Variants in CACNA2D1 observed in about 807,000 individuals in gnomAD.
CACNA2D1 encodes the protein voltage-dependent calcium channel subunit alpha-2/delta-1.
In CACNA2D1, 53 loss-of-function variants were observed where a neutral mutation model predicts 171.5. The observed-to-expected ratio is 0.31, with a 90% CI of 0.25 to 0.39. The LOEUF (loss-of-function observed/expected upper bound fraction) is 0.39, where lower values mean the gene tolerates loss of function less well. CACNA2D1 is among the 10% of genes least tolerant of loss of function. The pLI, the probability that CACNA2D1 is intolerant of heterozygous loss-of-function variation, is 1.00. For missense variants in CACNA2D1, 903 were observed against 1,299.8 expected, an observed-to-expected ratio of 0.69 and a Z score of 4.69; for synonymous variants, 442 against 443.1, an observed-to-expected ratio of 1.00 and a Z score of 0.03.
intron 1 of CACNA2D1, among the ~76,000 whole-genome samples, chr7:82,410,903 G>C (rs1030338531): frequency 6.6e-6 from 1 of 151,992 alleles, no homozygotes; most frequent in African/African-American, 2.4e-5. Flanking sequence ...TTAATCTTTC[G>C]AGACTGCCCT....
At chr7:82,310,596 C>T (rs555613676) in intron 3 of CACNA2D1, among the ~76,000 whole-genome samples, 1 of 151,536 alleles carries the variant, frequency 6.6e-6, no homozygotes, top group Non-Finnish European at 1.5e-5. Flanking sequence ...TTTTCATATA[C>T]TATTAATAAG....
intron 5 of CACNA2D1, among the ~76,000 whole-genome samples, chr7:82,135,974 T>G (rs1192187800): frequency 6.6e-6 from 1 of 152,226 alleles, no homozygotes; most frequent in Non-Finnish European, 1.5e-5. Context: ...AAATTAAGTG[T>G]AACCTTTATT....
chr7:82,060,214 A>ATATATAT (rs1806637231), intron 10 of CACNA2D1, among the ~76,000 whole-genome samples: 3 of 34,916 alleles, frequency 8.6e-5, no homozygotes, highest in African/African-American at 2.3e-4. Flanking sequence ...TATATATAAT[A>ATATATAT]TATATATAAT....
At chr7:82,055,025 T>C (rs1429619463) in intron 10 of CACNA2D1, among the ~76,000 whole-genome samples, 1 of 152,156 alleles carries the variant, frequency 6.6e-6, no homozygotes, top group African/African-American at 2.4e-5. Flanking sequence ...TAAAAGATTC[T>C]CATTTCCCAT....
At position 82,084,645 on chromosome 7, in the gene CACNA2D1, T is replaced by C. The variant is rs879005478; in HGVS notation, c.658+124A>G. ...TCCAAAGCCATGTAAAGAGGAATGT[T>C]CTTTCCTTATAAAAGTAGTGTGATA... is the stretch of plus-strand genomic sequence containing the variant. On this transcript the variant is annotated intron_variant, in intron 7 of 38. Coordinates refer to ENST00000356860, the MANE Select transcript of CACNA2D1 (RefSeq NM_000722.4). 3.0e-5 allele frequency: 34 copies of C among 1,115,276 alleles called. No individual in the cohort carries two copies. In the South Asian group the frequency reaches 4.2e-4, roughly 14 times the overall value. The allele number at this position is 1,115,276 out of a possible 1,614,324, so 69.1% of individuals were successfully genotyped here.
intron 5 of CACNA2D1, among the ~76,000 whole-genome samples, chr7:82,128,208 G>A (rs942165120): frequency 2.6e-5 from 4 of 152,044 alleles, no homozygotes; most frequent in South Asian, 2.1e-4. Flanking sequence ...GGGATTACAG[G>A]TGTGCACCAC....
chr7:82,316,888 T>C (rs1815191450), intron 3 of CACNA2D1, among the ~76,000 whole-genome samples: 1 of 152,140 alleles, frequency 6.6e-6, no homozygotes, highest in Admixed American at 6.5e-5. Flanking sequence ...CCCCCATGAT[T>C]CAATTATTTC....
chr7:81,987,975 C>T (rs780322011), intron 21 of CACNA2D1, among the ~76,000 whole-genome samples: 4 of 152,106 alleles, frequency 2.6e-5, no homozygotes, highest in Non-Finnish European at 5.9e-5. Flanking sequence ...AGAACATTCG[C>T]CTGCTCACAC....
chr7:82,353,974 C>G (rs1209199392), intron 1 of CACNA2D1, among the ~76,000 whole-genome samples: 3 of 151,978 alleles, frequency 2.0e-5, no homozygotes, highest in Admixed American at 6.6e-5. Context: ...TGACCTTCTC[C>G]CACCAAGCAG....
chr7:82,101,446 T>C lies in CACNA2D1; in HGVS notation c.526+15598A>G, dbSNP rs60212063. On this transcript the variant is annotated intron_variant, in intron 6 of 38. Coordinates refer to ENST00000356860, the MANE Select transcript of CACNA2D1 (RefSeq NM_000722.4). ...AGTCAGTAAAACGTTACATGACAGA[T>C]GGAAGTAATAAGACAAATGAAAATC... is the stretch of plus-strand genomic sequence containing the variant. Among the ~76,000 whole-genome samples, 1,461 of 152,196 alleles carry C rather than the reference T, an allele frequency of 9.6e-3. 26 individuals are homozygous for C. The highest frequency in any genetic ancestry group is 0.034 in the African/African-American group (1,392 of 41,518).
chr7:82,426,180 TACA>T (rs1480237234), intron 1 of CACNA2D1, among the ~76,000 whole-genome samples: 1 of 62,836 alleles, frequency 1.6e-5, no homozygotes, highest in Non-Finnish European at 2.7e-5. Context: ...AATAAATAAA[TACA>T]TAAATTCTAT....
chr7:82,012,479 T>C (rs1799918792), intron 14 of CACNA2D1, among the ~76,000 whole-genome samples: 1 of 152,138 alleles, frequency 6.6e-6, no homozygotes, highest in South Asian at 2.1e-4. Flanking sequence ...TACCCCAGTT[T>C]TTTTCTAGTA....
At chr7:82,121,069 T>TTG (rs2129057576) in intron 5 of CACNA2D1, among the ~76,000 whole-genome samples, 1 of 152,142 alleles carries the variant, frequency 6.6e-6, no homozygotes, top group South Asian at 2.1e-4. Flanking sequence ...GTTTGTTTGT[T>TTG]TTGTTTTGAA....
At chr7:82,262,474 T>C (rs1807252060) in intron 3 of CACNA2D1, among the ~76,000 whole-genome samples, 1 of 152,190 alleles carries the variant, frequency 6.6e-6, no homozygotes, top group Non-Finnish European at 1.5e-5. Context: ...TAGCCTACAC[T>C]TGAAAAATTA....
intron 4 of CACNA2D1, among the ~76,000 whole-genome samples, chr7:82,163,278 G>C (rs868360194): frequency 4.8e-4 from 73 of 152,076 alleles, no homozygotes; most frequent in African/African-American, 1.7e-3. Context: ...AGGCATATTT[G>C]TATAAATTAT....
chr7:82,225,387 T>C (rs572897384), intron 3 of CACNA2D1, among the ~76,000 whole-genome samples: 1 of 152,194 alleles, frequency 6.6e-6, no homozygotes, highest in African/African-American at 2.4e-5. Flanking sequence ...TTCATTGAAT[T>C]GCGGTGTTAA....
intron 3 of CACNA2D1, among the ~76,000 whole-genome samples, chr7:82,221,369 G>A (rs1801741770): frequency 6.6e-6 from 1 of 152,142 alleles, no homozygotes; most frequent in African/African-American, 2.4e-5. Flanking sequence ...ACTCAGGACT[G>A]AATATTACAC....
At chr7:82,310,709 T>G (rs1814345715) in intron 3 of CACNA2D1, among the ~76,000 whole-genome samples, 1 of 152,098 alleles carries the variant, frequency 6.6e-6, no homozygotes, top group South Asian at 2.1e-4. Context: ...TACTAGGTCT[T>G]TTAAATATTT....
At chr7:82,180,027 C>T (rs1282250890) in intron 3 of CACNA2D1, among the ~76,000 whole-genome samples, 1 of 151,996 alleles carries the variant, frequency 6.6e-6, no homozygotes, top group Non-Finnish European at 1.5e-5. Flanking sequence ...CATATTAGTC[C>T]TCTGAATTAG....
Sources: gnomAD v4.1 joint callset for allele counts (sites outside exome capture counted in the v4.1 genomes callset) on GRCh38, gnomAD v4.1.1 for gene constraint, MANE v1.5 for transcripts, NCBI Gene and HGNC (gene_info 2026-07-23, HGNC 2026-07-21) for gene names.